SHROOM2: variants seen among roughly 807,000 people sequenced by gnomAD.
The protein encoded by SHROOM2 is shroom family member 2, also known as protein Shroom2.
Under a neutral mutation model 75.9 loss-of-function variants are expected in SHROOM2, and 33 were observed. That is an observed-to-expected ratio of 0.43 (90% CI 0.33 to 0.58). The LOEUF is 0.58. Among genes scored for constraint, SHROOM2 ranks in the 20% least tolerant of loss-of-function variants. SHROOM2 has a pLI of 0.04. For synonymous variants in SHROOM2, 655 were observed against 663.6 expected (o/e 0.99, Z 0.20); for missense variants, 1,434 against 1,461.2 (o/e 0.98, Z 0.30).
chrX:9,841,207 C>T (rs1241608045), intron 1 of SHROOM2, among the ~76,000 whole-genome samples: 1 of 111,933 alleles, frequency 8.9e-6, no homozygotes, highest in Non-Finnish European at 1.9e-5. Context: ...CCTTCCGCCT[C>T]GGCCTCCCAA....
In SHROOM2 at chrX:9,896,131, C is replaced by T. The variant is rs1332315783; in HGVS notation, c.2223C>T (p.Gly741=). The change falls in exon 4 of 10, where the codon GGC becomes GGT. Residue 741 remains glycine, a synonymous_variant. Transcript: ENST00000380913. ...CCCAGCCACCCTCATCTACAAGTGGCGGGCCCCACCCGCCCCGCATCGGAG... is the reference window on the plus strand; with the variant it reads ...CCCAGCCACCCTCATCTACAAGTGGTGGGCCCCACCCGCCCCGCATCGGAG... ...GLAQPPSSTS[G]GPHPPRIGGR... is the part of the protein sequence containing the mutation. 12 of 1,207,001 alleles carry T rather than the reference C, an allele frequency of 9.9e-6. No homozygotes were observed. Among genetic ancestry groups the T allele is most frequent in the Middle Eastern group, 2.3e-4 (1 of 4,370 alleles).
chrX:9,798,645 C>T (rs1466589765), intron 1 of SHROOM2, among the ~76,000 whole-genome samples: 2 of 111,667 alleles, frequency 1.8e-5, no homozygotes, highest in Non-Finnish European at 3.8e-5. Flanking sequence ...GTGTATGCCA[C>T]TTGACGTTTT....
intron 3 of SHROOM2, among the ~76,000 whole-genome samples, chrX:9,892,766 T>C (rs1224273040): frequency 8.9e-6 from 1 of 112,179 alleles, no homozygotes; most frequent in African/African-American, 3.2e-5. Context: ...AGCCAGTTGT[T>C]CTCCAGTGTT....
intron 1 of SHROOM2, among the ~76,000 whole-genome samples, chrX:9,845,552 C>G (rs1480916633): frequency 9.9e-6 from 1 of 100,818 alleles, no homozygotes; most frequent in Non-Finnish European, 2.0e-5. Context: ...TTCTGGAAAA[C>G]AAATAAAGGC....
chrX:9,807,751 C>T (rs1263043255), intron 1 of SHROOM2, among the ~76,000 whole-genome samples: 1 of 112,252 alleles, frequency 8.9e-6, no homozygotes, highest in Non-Finnish European at 1.9e-5. Flanking sequence ...TGTGAAAAGG[C>T]ATTTCTCACT....
intron 1 of SHROOM2, among the ~76,000 whole-genome samples, chrX:9,827,089 C>T (rs1222225745): frequency 9.0e-6 from 1 of 111,232 alleles, no homozygotes; most frequent in Non-Finnish European, 1.9e-5. Context: ...GGCCAGGCTG[C>T]ACCCCAGGCC....
At chrX:9,932,035 TG>T (rs1163083578) in intron 5 of SHROOM2, 139 bp from the exon 6 acceptor site, 4 of 470,882 alleles carry the variant, frequency 8.5e-6, no homozygotes, top group Non-Finnish European at 1.3e-5. Context: ...GGAGTTGCGG[TG>T]GCGACAGGTG....
intron 1 of SHROOM2, among the ~76,000 whole-genome samples, chrX:9,827,223 C>CTTTTCTTT (rs1555924844): frequency 1.0e-4 from 6 of 60,132 alleles, no homozygotes; most frequent in East Asian, 7.1e-4. Context: ...TTTTCTTTTT[C>CTTTTCTTT]TTTTTTTTTT....
At chrX:9,840,036 C>T (rs1007950229) in intron 1 of SHROOM2, among the ~76,000 whole-genome samples, 7 of 111,665 alleles carry the variant, frequency 6.3e-5, no homozygotes, top group African/African-American at 2.3e-4. Flanking sequence ...TGATGAAGGG[C>T]TGTGCTGTTG....
intron 5 of SHROOM2, among the ~76,000 whole-genome samples, chrX:9,922,189 G>A (rs1355229413): frequency 1.8e-5 from 2 of 111,147 alleles, no homozygotes; most frequent in Non-Finnish European, 3.8e-5. Context: ...AAGTAGCTGG[G>A]ACTACAGGTG....
chrX:9,845,736 C>G, intron 1 of SHROOM2, among the ~76,000 whole-genome samples: 1 of 109,090 alleles, frequency 9.2e-6, no homozygotes, highest in Non-Finnish European at 1.9e-5. Flanking sequence ...TGCAGACAGT[C>G]CCTCTTCATG....
At chrX:9,815,476 GTGTGTA>G (rs1410091596) in intron 1 of SHROOM2, among the ~76,000 whole-genome samples, 111 of 75,355 alleles carry the variant, frequency 1.5e-3, no homozygotes, top group African/African-American at 4.8e-3. Flanking sequence ...GTGTGTGTGT[GTGTGTA>G]TATAATATCT....
At chrX:9,795,892 C>T (rs989180234) in intron 1 of SHROOM2, among the ~76,000 whole-genome samples, 2 of 110,359 alleles carry the variant, frequency 1.8e-5, no homozygotes, top group South Asian at 7.8e-4. Flanking sequence ...ATCATCTCTG[C>T]CCCCCAACTT....
chrX:9,800,115 G>A (rs776969033), intron 1 of SHROOM2, among the ~76,000 whole-genome samples: 32 of 111,125 alleles, frequency 2.9e-4, no homozygotes, highest in South Asian at 2.3e-3. Context: ...CATGCCCAGC[G>A]TCACTGCCTC....
intron 5 of SHROOM2, among the ~76,000 whole-genome samples, chrX:9,901,176 C>T (rs1241903762): frequency 9.0e-6 from 1 of 111,116 alleles, no homozygotes; most frequent in Non-Finnish European, 1.9e-5. Flanking sequence ...ATTTTTGTAT[C>T]ATTTCTTCTT....
At chrX:9,893,644 A>G (rs895479596) in intron 3 of SHROOM2, among the ~76,000 whole-genome samples, 4 of 111,445 alleles carry the variant, frequency 3.6e-5, no homozygotes, top group African/African-American at 9.8e-5. Context: ...CTCTTCTCCC[A>G]CCATAAAACA....
At chrX:9,936,048 C>A (rs1027356680) in intron 6 of SHROOM2, among the ~76,000 whole-genome samples, 1 of 111,218 alleles carries the variant, frequency 9.0e-6, no homozygotes, top group Non-Finnish European at 1.9e-5. Flanking sequence ...TCTCTCTCCC[C>A]CAGTCTCCCA....
chrX:9,832,103 T>C (rs1229370329), intron 1 of SHROOM2, among the ~76,000 whole-genome samples: 1 of 112,249 alleles, frequency 8.9e-6, no homozygotes, highest in East Asian at 2.8e-4. Flanking sequence ...TCGCACCTTC[T>C]TCTTTCGTGT....
chrX:9,845,350 C>T (rs1447995602), intron 1 of SHROOM2, among the ~76,000 whole-genome samples: 4 of 111,686 alleles, frequency 3.6e-5, no homozygotes, highest in Non-Finnish European at 5.6e-5. Flanking sequence ...AGAATGTTTT[C>T]GAGAGATTTA....
Sources: allele counts gnomAD v4.1 joint callset (sites outside exome capture counted in the v4.1 genomes callset), GRCh38; gene constraint gnomAD v4.1.1; transcripts MANE v1.5; gene names NCBI Gene and HGNC (gene_info 2026-07-23, HGNC 2026-07-21).